FGF12: variants seen among roughly 807,000 people sequenced by gnomAD.
The protein encoded by FGF12 is fibroblast growth factor 12B.
FGF12 carries 14 observed loss-of-function variants against 23.6 expected under a neutral mutation model. That is an observed-to-expected ratio of 0.59 (90% confidence interval 0.39 to 0.93). The LOEUF (loss-of-function observed/expected upper bound fraction) is 0.93, where lower values mean the gene tolerates loss of function less well. Among genes scored for constraint, FGF12 ranks in the 40% least tolerant of loss-of-function variants. The pLI, the probability that FGF12 is intolerant of heterozygous loss-of-function variation, is 0.00. For missense variants in FGF12, 175 were observed against 217.8 expected (o/e 0.80, Z 1.24); for synonymous variants, 62 against 77.3 (o/e 0.80, Z 1.04).
rs1721073544 is a variant in FGF12 at position 192,408,755 on chromosome 3, A to G, written c.14-48217T>C. ...GCGCGCCCCCGGTAGAAAATACTAA[A>G]AAGTGAATAAAACGTTCCTTTAGAA... On this transcript the variant is annotated intron_variant, in intron 2 of 5. Transcript: ENST00000445105. This position sits in a 1 kb window ranked among gnomAD's most constrained non-coding sequence, Gnocchi z 7.3. 1.0e-6 allele frequency: 1 copy of G among 986,468 alleles called. No homozygotes were observed. The highest frequency in any genetic ancestry group is 1.2e-6 in the Non-Finnish European group (1 of 830,742). The allele number at this position is 986,468 out of a possible 1,614,324, so 61.1% of individuals were successfully genotyped here.
intron 2 of FGF12, among the ~76,000 whole-genome samples, chr3:192,396,476 A>C (rs1258677093): frequency 6.6e-6 from 1 of 152,256 alleles, no homozygotes; most frequent in African/African-American, 2.4e-5. Flanking sequence ...GCTGTGGTGT[A>C]GCAGTAAGGC....
At position 192,586,164 on chromosome 3, in the gene FGF12, G is replaced by T. The variant is rs145922468; in HGVS notation, c.13+141017C>A. On this transcript the variant is annotated intron_variant, in intron 2 of 5. Coordinates refer to ENST00000445105, the MANE Select transcript of FGF12 (RefSeq NM_004113.6). ...TGTGCACTTGTGATTTTTCAGGGGG[G>T]TGGGGATATAACCCAGATGAGACAA... Among the ~76,000 whole-genome samples, 28 of 152,246 alleles carry T rather than the reference G, an allele frequency of 1.8e-4. No homozygotes were observed. In the East Asian group the frequency reaches 5.2e-3, roughly 28 times the overall value.
At chr3:192,465,343 T>A (rs897080672) in intron 2 of FGF12, among the ~76,000 whole-genome samples, 2 of 152,116 alleles carry the variant, frequency 1.3e-5, no homozygotes, top group African/African-American at 2.4e-5. Context: ...TACAATCAGG[T>A]AAAAGTTGAG....
chr3:192,470,696 G>A (rs1051532196), intron 2 of FGF12, among the ~76,000 whole-genome samples: 3 of 152,106 alleles, frequency 2.0e-5, no homozygotes, highest in Non-Finnish European at 2.9e-5. Context: ...GCCTAGTAAC[G>A]GAGTTTGATA....
At chr3:192,566,977 T>A (rs1399367705) in intron 2 of FGF12, among the ~76,000 whole-genome samples, 2 of 152,146 alleles carry the variant, frequency 1.3e-5, no homozygotes, top group Non-Finnish European at 2.9e-5. Flanking sequence ...TTCATACATA[T>A]TAGTCAGCAG....
At chr3:192,249,170 C>T (rs980183854) in intron 4 of FGF12, among the ~76,000 whole-genome samples, 4 of 152,088 alleles carry the variant, frequency 2.6e-5, no homozygotes, top group African/African-American at 9.7e-5. Context: ...TGTGATATAA[C>T]TCCCATCCAA....
At chr3:192,345,686 C>CA (rs532522064) in intron 3 of FGF12, among the ~76,000 whole-genome samples, 11,642 of 32,440 alleles carry the variant, frequency 0.36, 2,693 homozygotes, top group East Asian at 0.66. Context: ...GACTCCGTCT[C>CA]AAAAAAAAAA....
At chr3:192,189,942 G>A (rs929908214) in intron 4 of FGF12, among the ~76,000 whole-genome samples, 2 of 152,076 alleles carry the variant, frequency 1.3e-5, no homozygotes, top group Non-Finnish European at 2.9e-5. Flanking sequence ...TGACACTCAG[G>A]AGCAAGGGGG....
chr3:192,442,689 A>C lies in FGF12; in HGVS notation c.14-82151T>G, dbSNP rs116186159. ...CAGTAAACCCAAAATCTCAGTATTT[A>C]CATGAATTCTTTTATTCAGATGGTA... On this transcript the variant is annotated intron_variant, in intron 2 of 5. Coordinates refer to ENST00000445105, the MANE Select transcript of FGF12 (RefSeq NM_004113.6). 7.4e-3 allele frequency among the ~76,000 whole-genome samples: 1,127 copies of C among 152,374 alleles called. 16 individuals carry two copies. Among genetic ancestry groups the C allele is most frequent in the African/African-American group, 0.024 (1,006 of 41,588 alleles).
At chr3:192,566,670 A>G (rs1712307520) in intron 2 of FGF12, among the ~76,000 whole-genome samples, 1 of 152,206 alleles carries the variant, frequency 6.6e-6, no homozygotes, top group African/African-American at 2.4e-5. Flanking sequence ...GTCCGTCATA[A>G]TATTTCAAAT....
At chr3:192,651,291 T>C (rs74920777) in intron 2 of FGF12, among the ~76,000 whole-genome samples, 1 of 152,282 alleles carries the variant, frequency 6.6e-6, no homozygotes, top group Admixed American at 6.5e-5. Flanking sequence ...ACCAGTCATA[T>C]GAACCTGGAC....
Position 192,309,739 on chromosome 3 carries a change from T to C in FGF12, c.228+25622A>G, listed in dbSNP as rs117027293. On this transcript the variant is annotated intron_variant, in intron 4 of 5. Coordinates refer to ENST00000445105, the MANE Select transcript of FGF12 (RefSeq NM_004113.6). ...TGAGTGCATGGAAAGTTGAGATATATGAAATGACTGAAAAGGAAAGGAAAA... is the reference window on the plus strand; with the variant it reads ...TGAGTGCATGGAAAGTTGAGATATACGAAATGACTGAAAAGGAAAGGAAAA... Among the ~76,000 whole-genome samples the C allele has an allele frequency of 1.6e-4, 25 of 152,112 alleles. No homozygotes were observed. In the East Asian group the frequency reaches 4.1e-3, roughly 25 times the overall value.
At position 192,144,016 on chromosome 3, in the gene FGF12, G is replaced by C. The variant is rs752116921; in HGVS notation, c.539C>G (p.Ser180Ter). Residue 180 changes from serine to a stop codon, truncating the protein, a stop_gained, in exon 6 of 6, where the codon TCA becomes TGA. Transcript: ENST00000445105. LOFTEE classifies it high-confidence loss of function. ...GAAGGGGAGAGTTCTCAGCTATGTT[G>C]AATCTTGATTCACAACTTTGCCTCC... ...MNGGKVVNQD[S>*]T The C allele has an allele frequency of 1.3e-6, 2 of 1,599,718 alleles. No homozygotes were observed. Among genetic ancestry groups the C allele is most frequent in the Admixed American group, 3.3e-5 (2 of 59,988 alleles).
intron 4 of FGF12, among the ~76,000 whole-genome samples, chr3:192,331,410 C>A (rs1457208541): frequency 6.6e-6 from 1 of 150,944 alleles, no homozygotes; most frequent in Non-Finnish European, 1.5e-5. Flanking sequence ...CAGCAGTAAT[C>A]TCATATCCAA....
At position 192,652,913 on chromosome 3, in the gene FGF12, G is replaced by A. The variant is rs78753591; in HGVS notation, c.13+74268C>T. On this transcript the variant is annotated intron_variant, in intron 2 of 5. Transcript: ENST00000445105. ...GTTTGGGAATAAACTAGGAATTTATGCTGAGGTGGTGAGTCATCACTTTTT... is the reference window on the plus strand; with the variant it reads ...GTTTGGGAATAAACTAGGAATTTATACTGAGGTGGTGAGTCATCACTTTTT... Among the ~76,000 whole-genome samples the A allele has an allele frequency of 4.3e-4, 65 of 152,332 alleles. No individual in the cohort carries two copies. In the East Asian group the frequency reaches 0.01, roughly 24 times the overall value.
At chr3:192,342,767 G>A (rs1300170949) in intron 3 of FGF12, among the ~76,000 whole-genome samples, 1 of 152,080 alleles carries the variant, frequency 6.6e-6, no homozygotes, top group East Asian at 1.9e-4. Flanking sequence ...ACGGGGCAGG[G>A]CATGCCTCTG....
intron 2 of FGF12, among the ~76,000 whole-genome samples, chr3:192,421,664 C>G (rs2108784546): frequency 6.6e-6 from 1 of 152,150 alleles, no homozygotes; most frequent in East Asian, 1.9e-4. Flanking sequence ...ACATCAGGAC[C>G]TGTCAGGGGA....
At chr3:192,246,497 G>T (rs1433577211) in intron 4 of FGF12, among the ~76,000 whole-genome samples, 1 of 152,060 alleles carries the variant, frequency 6.6e-6, no homozygotes, top group African/African-American at 2.4e-5. Flanking sequence ...GGTAGGACCT[G>T]GTTCTAATTG....
At chr3:192,198,771 C>A (rs1290380901) in intron 4 of FGF12, among the ~76,000 whole-genome samples, 2 of 152,168 alleles carry the variant, frequency 1.3e-5, no homozygotes, top group Non-Finnish European at 2.9e-5. Context: ...CTAATTATTA[C>A]AGTGAAGAGG....
Sources: gnomAD v4.1 joint callset for allele counts (sites outside exome capture counted in the v4.1 genomes callset) on GRCh38, gnomAD v4.1.1 for gene constraint, Gnocchi (gnomAD v3.1) non-coding constraint, MANE v1.5 for transcripts, NCBI Gene and HGNC (gene_info 2026-07-23, HGNC 2026-07-21) for gene names.